Variants in LDLRAD4 observed in about 807,000 individuals in gnomAD.
The protein encoded by LDLRAD4 is low-density lipoprotein receptor class A domain-containing protein 4.
A neutral mutation model predicts 17.0 loss-of-function variants in LDLRAD4; 5 were observed. The ratio of observed to expected loss-of-function variants is 0.29; its 90% CI spans 0.15 to 0.62. LDLRAD4 has a LOEUF of 0.62. Among genes scored for constraint, LDLRAD4 ranks in the 20% least tolerant of loss-of-function variants. The pLI, the probability that LDLRAD4 is intolerant of heterozygous loss-of-function variation, is 0.84. For synonymous variants in LDLRAD4, 168 were observed against 171.8 expected (o/e 0.98, Z 0.17); for missense variants, 340 against 424.7 (o/e 0.80, Z 1.75).
intron 3 of LDLRAD4, among the ~76,000 whole-genome samples, chr18:13,538,860 G>A (rs749571094): frequency 1.3e-5 from 2 of 152,206 alleles, no homozygotes; most frequent in Non-Finnish European, 2.9e-5. Flanking sequence ...CTTCCTCAGG[G>A]AAGTCAGGCT....
At chr18:13,652,248 T>C (rs1193307351) in exon 6 of LDLRAD4, 3 of 152,264 alleles carry the variant, frequency 2.0e-5, no homozygotes, top group Non-Finnish European at 2.9e-5. Flanking sequence ...TAAACTTTAC[T>C]GTTAATGATA....
intron 1 of LDLRAD4, among the ~76,000 whole-genome samples, chr18:13,289,725 CG>C (rs2045858619): frequency 6.6e-6 from 1 of 152,242 alleles, no homozygotes; most frequent in East Asian, 1.9e-4. Flanking sequence ...TTGGGACTGC[CG>C]TGGAGAGATG....
intron 3 of LDLRAD4, among the ~76,000 whole-genome samples, chr18:13,453,136 G>A (rs1364889508): frequency 6.6e-6 from 1 of 152,220 alleles, no homozygotes; most frequent in Admixed American, 6.5e-5. Context: ...CGTTTTAAAA[G>A]AAGCAGGACC....
chr18:13,628,674 A>G (rs928804444), intron 4 of LDLRAD4, among the ~76,000 whole-genome samples: 1 of 152,248 alleles, frequency 6.6e-6, no homozygotes, highest in South Asian at 2.1e-4. Context: ...CAGAAACTGC[A>G]TAAGGATGCT....
chr18:13,538,913 G>A (rs887743549), intron 3 of LDLRAD4, among the ~76,000 whole-genome samples: 2 of 152,180 alleles, frequency 1.3e-5, no homozygotes, highest in Admixed American at 6.5e-5. Flanking sequence ...GCTTAATGAT[G>A]TCTTTGAAGA....
intron 3 of LDLRAD4, chr18:13,616,066 C>G (rs956143139): frequency 6.6e-6 from 1 of 152,186 alleles, no homozygotes; most frequent in African/African-American, 2.4e-5. Flanking sequence ...TCTTAGCCTC[C>G]CCTTTCCAGC....
intron 3 of LDLRAD4, among the ~76,000 whole-genome samples, chr18:13,592,229 C>T (rs769125169): frequency 6.6e-6 from 1 of 152,202 alleles, no homozygotes; most frequent in African/African-American, 2.4e-5. Flanking sequence ...ACTTTTTAAA[C>T]CCTGACCCAC....
intron 2 of LDLRAD4, among the ~76,000 whole-genome samples, chr18:13,411,279 G>A (rs1037994433): frequency 2.0e-5 from 3 of 151,106 alleles, no homozygotes; most frequent in Non-Finnish European, 4.4e-5. Context: ...AGAAAAAAAA[G>A]TGCCTCTATA....
At chr18:13,371,335 G>A (rs753801315) in intron 1 of LDLRAD4, among the ~76,000 whole-genome samples, 29 of 152,204 alleles carry the variant, frequency 1.9e-4, no homozygotes, top group Non-Finnish European at 1.2e-4. Context: ...GAAGCCCAGT[G>A]TTCCATGCCC....
At chr18:13,601,955 A>G (rs570596376) in intron 3 of LDLRAD4, among the ~76,000 whole-genome samples, 4 of 152,380 alleles carry the variant, frequency 2.6e-5, no homozygotes, top group East Asian at 3.9e-4. Context: ...GTACATATGC[A>G]CCATGAAGTA....
At chr18:13,406,745 C>T (rs1445283167) in intron 2 of LDLRAD4, among the ~76,000 whole-genome samples, 2 of 152,288 alleles carry the variant, frequency 1.3e-5, no homozygotes, top group Middle Eastern at 3.4e-3. Flanking sequence ...CTTGCTCTCA[C>T]TTGCCATGGG....
intron 3 of LDLRAD4, among the ~76,000 whole-genome samples, chr18:13,551,044 A>G (rs1197384852): frequency 6.6e-6 from 1 of 151,824 alleles, no homozygotes; most frequent in African/African-American, 2.4e-5. Flanking sequence ...GGCCCTTCTT[A>G]TCTTCCGTGT....
rs111876022 is a variant in LDLRAD4 at position 13,439,565 on chromosome 18, T to C, written c.181+1181T>C. ...AGGCTGGGCGCGTGCTTGCCTGGCATTGGGTCCGTGTTTTGTGCGGTAGTC... is the reference window on the plus strand; with the variant it reads ...AGGCTGGGCGCGTGCTTGCCTGGCACTGGGTCCGTGTTTTGTGCGGTAGTC... On this transcript the variant is annotated intron_variant, in intron 3 of 5. Coordinates refer to ENST00000359446, the Ensembl canonical transcript of LDLRAD4. Among the ~76,000 whole-genome samples, 28 of 152,352 alleles carry C rather than the reference T, an allele frequency of 1.8e-4. No individual in the cohort carries two copies. In the South Asian group the frequency reaches 2.3e-3, roughly 12 times the overall value.
At chr18:13,359,608 A>T (rs2083542630) in intron 1 of LDLRAD4, among the ~76,000 whole-genome samples, 2 of 152,194 alleles carry the variant, frequency 1.3e-5, no homozygotes, top group African/African-American at 4.8e-5. Flanking sequence ...TAATTTTTTA[A>T]TTGCAGATAA....
At chr18:13,504,185 C>T (rs2093655752) in intron 3 of LDLRAD4, among the ~76,000 whole-genome samples, 1 of 152,160 alleles carries the variant, frequency 6.6e-6, no homozygotes, top group African/African-American at 2.4e-5. Context: ...TGCTACACCC[C>T]CTCTCAAAAA....
At chr18:13,602,201 A>G (rs1414383663) in intron 3 of LDLRAD4, among the ~76,000 whole-genome samples, 2 of 152,206 alleles carry the variant, frequency 1.3e-5, no homozygotes, top group Non-Finnish European at 2.9e-5. Context: ...AAAACTTCCT[A>G]TCGGGTATTA....
intron 1 of LDLRAD4, among the ~76,000 whole-genome samples, chr18:13,223,928 A>T (rs1436594635): frequency 2.0e-5 from 3 of 152,200 alleles, no homozygotes; most frequent in Non-Finnish European, 4.4e-5. Context: ...CTGGAGCTAA[A>T]TGAGGTGGGA....
intron 3 of LDLRAD4, among the ~76,000 whole-genome samples, chr18:13,513,755 G>T (rs2093819382): frequency 1.3e-5 from 2 of 152,174 alleles, no homozygotes; most frequent in African/African-American, 4.8e-5. Context: ...ACACCTGTCA[G>T]GCCAAGGTAA....
intron 3 of LDLRAD4, among the ~76,000 whole-genome samples, chr18:13,493,581 A>T (rs2093401995): frequency 6.6e-6 from 1 of 152,218 alleles, no homozygotes; most frequent in Non-Finnish European, 1.5e-5. Context: ...TCATCGCTTT[A>T]TATGCTTTGG....
Sources: gnomAD v4.1 joint callset for allele counts (sites outside exome capture counted in the v4.1 genomes callset) on GRCh38, gnomAD v4.1.1 for gene constraint, MANE v1.5 for transcripts, NCBI Gene and HGNC (gene_info 2026-07-23, HGNC 2026-07-21) for gene names.